PSD3: variants seen among roughly 807,000 people sequenced by gnomAD.
PSD3 encodes PH and SEC7 domain-containing protein 3.
A neutral mutation model predicts 105.5 loss-of-function variants in PSD3; 49 were observed. That is an observed-to-expected ratio of 0.46 (90% CI 0.37 to 0.59). The LOEUF is 0.59. PSD3 is among the 20% of genes least tolerant of loss of function. PSD3 has a pLI of 0.00. For missense variants in PSD3, 1,561 were observed against 1,263.8 expected (o/e 1.24, Z -3.57); for synonymous variants, 557 against 457.8 (o/e 1.22, Z -2.77).
At chr8:18,841,227 T>C (rs920892253) in intron 4 of PSD3, among the ~76,000 whole-genome samples, 3 of 152,144 alleles carry the variant, frequency 2.0e-5, no homozygotes, top group African/African-American at 7.2e-5. Context: ...TTGTTATGGC[T>C]GGCTAGTGTG....
intron 1 of PSD3, among the ~76,000 whole-genome samples, chr8:19,050,694 T>C (rs1229301624): frequency 6.6e-6 from 1 of 151,446 alleles, no homozygotes; most frequent in Non-Finnish European, 1.5e-5. Context: ...TGTGGGGTGG[T>C]GGGAAGGGGG....
chr8:19,004,539 A>C (rs1375093754), intron 1 of PSD3, among the ~76,000 whole-genome samples: 1 of 152,082 alleles, frequency 6.6e-6, no homozygotes, highest in Non-Finnish European at 1.5e-5. Context: ...CATATATCTG[A>C]TAGGAGACTT....
chr8:18,899,561 T>C (rs1485793879), intron 2 of PSD3, among the ~76,000 whole-genome samples: 1 of 152,038 alleles, frequency 6.6e-6, no homozygotes, highest in Non-Finnish European at 1.5e-5. Flanking sequence ...TATGACCCCC[T>C]GATGTAGAAG....
At chr8:18,930,570 T>A (rs150089328) in intron 2 of PSD3, among the ~76,000 whole-genome samples, 1 of 46,062 alleles carries the variant, frequency 2.2e-5, no homozygotes, top group South Asian at 6.2e-4. Flanking sequence ...ACTTTTTCAA[T>A]TTTTTTTTTT....
chr8:18,776,259 TCTATATATATATAATGTATAA>T (rs1352877776), intron 8 of PSD3, among the ~76,000 whole-genome samples: 1 of 143,042 alleles, frequency 7.0e-6, no homozygotes, highest in African/African-American at 2.7e-5. Context: ...TCTCTCTCTC[TCTATATATATATAATGTATAA>T]ATATATATAT....
At chr8:18,955,592 G>A (rs886824313) in intron 1 of PSD3, among the ~76,000 whole-genome samples, 3 of 151,864 alleles carry the variant, frequency 2.0e-5, no homozygotes, top group Non-Finnish European at 4.4e-5. Flanking sequence ...ATTCGTTTAT[G>A]AAAATCTCCT....
intron 9 of PSD3, among the ~76,000 whole-genome samples, chr8:18,755,254 C>G (rs185599224): frequency 6.6e-6 from 1 of 151,890 alleles, no homozygotes; most frequent in African/African-American, 2.4e-5. Context: ...CATGGTGAAA[C>G]CCCTGTCCCT....
chr8:19,024,577 C>T (rs896617756), intron 1 of PSD3, among the ~76,000 whole-genome samples: 1 of 152,134 alleles, frequency 6.6e-6, no homozygotes, highest in East Asian at 1.9e-4. Context: ...TACGATGACA[C>T]CTGAGCTTAT....
chr8:18,707,528 A>G (rs1205522538), intron 9 of PSD3, among the ~76,000 whole-genome samples: 1 of 152,186 alleles, frequency 6.6e-6, no homozygotes, highest in African/African-American at 2.4e-5. Flanking sequence ...AGTTCTGAAT[A>G]CTTTTTAATC....
At chr8:18,967,152 CTTTA>C (rs1824313754) in intron 1 of PSD3, among the ~76,000 whole-genome samples, 1 of 134,434 alleles carries the variant, frequency 7.4e-6, no homozygotes, top group South Asian at 2.5e-4. Context: ...TTTCTTTTTT[CTTTA>C]TTTATTTTTT....
chr8:18,993,611 A>G (rs1477354547), intron 1 of PSD3, among the ~76,000 whole-genome samples: 1 of 152,046 alleles, frequency 6.6e-6, no homozygotes, highest in African/African-American at 2.4e-5. Flanking sequence ...TGAGTATTAG[A>G]GCTTATCCCC....
intron 15 of PSD3, among the ~76,000 whole-genome samples, chr8:18,545,999 C>CTATT (rs1273904516): frequency 1.7e-4 from 26 of 152,080 alleles, no homozygotes; most frequent in African/African-American, 6.0e-4. Context: ...CTGAAGTAGT[C>CTATT]TATTTATTCA....
At chr8:18,965,781 C>A (rs1824201865) in intron 1 of PSD3, among the ~76,000 whole-genome samples, 1 of 152,172 alleles carries the variant, frequency 6.6e-6, no homozygotes, top group Non-Finnish European at 1.5e-5. Flanking sequence ...TTTTCACACC[C>A]ATGAGATGGA....
chr8:18,692,268 T>C (rs1801013350), intron 9 of PSD3, among the ~76,000 whole-genome samples: 1 of 152,262 alleles, frequency 6.6e-6, no homozygotes, highest in South Asian at 2.1e-4. Context: ...TAGACATTAA[T>C]CAATCAATAA....
intron 9 of PSD3, among the ~76,000 whole-genome samples, chr8:18,657,433 C>T (rs138424329): frequency 2.6e-5 from 4 of 152,216 alleles, no homozygotes; most frequent in African/African-American, 7.2e-5. Context: ...TGAAATATTA[C>T]AGTAGCTAAT....
intron 8 of PSD3, among the ~76,000 whole-genome samples, chr8:18,773,074 A>G (rs1235756640): frequency 1.3e-5 from 2 of 152,124 alleles, no homozygotes; most frequent in East Asian, 1.9e-4. Context: ...TTGGTGTCAC[A>G]GTGAAGAAAT....
chr8:18,742,643 C>A (rs1358274187), intron 9 of PSD3, among the ~76,000 whole-genome samples: 4 of 152,166 alleles, frequency 2.6e-5, no homozygotes, highest in Non-Finnish European at 5.9e-5. Flanking sequence ...GATTAAAAAG[C>A]AATTGATATC....
chr8:18,970,344 A>AG (rs398007182), intron 1 of PSD3, among the ~76,000 whole-genome samples: 1 of 148,410 alleles, frequency 6.7e-6, no homozygotes, highest in African/African-American at 2.5e-5. Flanking sequence ...AAAAAAAAAA[A>AG]AAAACAAAGA....
Position 18,799,327 on chromosome 8 carries a change from T to C in PSD3, c.2050A>G (p.Ile684Val), listed in dbSNP as rs1302103781. 1 of 1,609,352 alleles carries C rather than the reference T, an allele frequency of 6.2e-7. No homozygotes were observed. The highest frequency in any genetic ancestry group is 8.5e-7 in the Non-Finnish European group (1 of 1,175,994). Reference sequence around the variant, plus strand: ...TGTAGATCGGTATTAAGAAGCATTATTGCACAGGTAAGGCAATGGACTCCA... The same window carrying C: ...TGTAGATCGGTATTAAGAAGCATTACTGCACAGGTAAGGCAATGGACTCCA... Reference protein sequence around the residue: ...QDGVHCLTCAIMLLNTDLHGH... With the variant: ...QDGVHCLTCAVMLLNTDLHGH... The change falls in exon 8 of 16, where the codon ATA becomes GTA. Residue 684 changes from isoleucine to valine, a missense_variant. Ile to Val is a conservative substitution (Grantham distance 29). Coordinates refer to ENST00000327040, the MANE Select transcript of PSD3 (RefSeq NM_015310.4).
Sources: allele counts gnomAD v4.1 joint callset (sites outside exome capture counted in the v4.1 genomes callset), GRCh38; gene constraint gnomAD v4.1.1; transcripts MANE v1.5; gene names NCBI Gene and HGNC (gene_info 2026-07-23, HGNC 2026-07-21).